Variants in NOTCH2NLR observed in about 807,000 individuals in gnomAD.
NOTCH2NLR encodes the protein notch 2 N-terminal like R, also known as notch 2 N-terminal like R (pseudogene).
Under a neutral mutation model 35.6 loss-of-function variants are expected in NOTCH2NLR, and 33 were observed. The observed-to-expected ratio is 0.93, with a 90% confidence interval of 0.70 to 1.24. NOTCH2NLR has a LOEUF of 1.24. Ranked by LOEUF, NOTCH2NLR falls within the 50% of genes most tolerant of loss-of-function variation. NOTCH2NLR has a pLI of 0.00. For synonymous variants in NOTCH2NLR, 103 were observed against 141.0 expected (o/e 0.73, Z 1.91); for missense variants, 276 against 362.2 (o/e 0.76, Z 1.93).
chr1:120,759,675 C>T lies in NOTCH2NLR; in HGVS notation c.74-3953C>T, dbSNP rs1571023381. ...TCATTTTTGCTCCTGAGTAAAGCCA[C>T]AAGTCTCAAGATTATTTTTCTTTTT... On this transcript the variant is annotated intron_variant, in intron 1 of 4. Transcript: ENST00000624419. Among the ~76,000 whole-genome samples, 3 of 101,936 alleles carry T rather than the reference C, an allele frequency of 2.9e-5. 1 individual carries two copies. Among genetic ancestry groups the T allele is most frequent in the South Asian group, 2.8e-4 (1 of 3,634 alleles). The allele number at this position is 101,936 out of a possible 152,430, so 66.9% of individuals were successfully genotyped here.
chr1:120,777,507 C>T lies in NOTCH2NLR; in HGVS notation c.156-7467C>T, dbSNP rs1275078461. Among the ~76,000 whole-genome samples, 4 of 111,264 alleles carry T rather than the reference C, an allele frequency of 3.6e-5. 2 individuals carry two copies. Among genetic ancestry groups the T allele is most frequent in the Non-Finnish European group, 6.8e-5 (4 of 58,960 alleles). The allele number at this position is 111,264 out of a possible 152,430, so 73.0% of individuals were successfully genotyped here. A position where few individuals can be genotyped will look rare whatever the true frequency, so the allele number is the denominator to read the frequency against. On this transcript the variant is annotated intron_variant, in intron 2 of 4. Coordinates refer to ENST00000624419, the Ensembl canonical transcript of NOTCH2NLR. The stretch of plus-strand genomic sequence containing the variant: ...CTTGTCTTTGTTTCTTCACATACAA[C>T]TAGTAAGGCCCTAGAAAAACTACAC...
At chr1:120,733,149 G>T (rs1195565734) in intron 1 of NOTCH2NLR, among the ~76,000 whole-genome samples, 2 of 104,808 alleles carry the variant, frequency 1.9e-5, no homozygotes, top group Non-Finnish European at 3.5e-5. Context: ...TTTATGAACA[G>T]ATCTACATAT....
chr1:120,767,929 T>C lies in NOTCH2NLR; in HGVS notation c.155+4220T>C, dbSNP rs1489460168. Among the ~76,000 whole-genome samples, 25 of 118,334 alleles carry C rather than the reference T, an allele frequency of 2.1e-4. 5 individuals are homozygous for C. The highest frequency in any genetic ancestry group is 2.0e-3 in the Admixed American group (25 of 12,516). The allele number at this position is 118,334 out of a possible 152,430, so 77.6% of individuals were successfully genotyped here. A position where few individuals can be genotyped will look rare whatever the true frequency, so the allele number is the denominator to read the frequency against. ...GCTGGTTCTTAACAACTGGGTTGTC[T>C]ATGGATGTGTTTCTATTTCTATCAA... is the stretch of plus-strand genomic sequence containing the variant. On this transcript the variant is annotated intron_variant, in intron 2 of 4. Coordinates refer to ENST00000624419, the Ensembl canonical transcript of NOTCH2NLR.
rs1375682407 is a variant in NOTCH2NLR, at chr1:120,792,541, G to A, written c.416-620G>A. 9.9e-5 allele frequency among the ~76,000 whole-genome samples: 11 copies of A among 111,556 alleles called. 3 individuals are homozygous for A. The highest frequency in any genetic ancestry group is 3.1e-4 in the African/African-American group (6 of 19,498). The allele number at this position is 111,556 out of a possible 152,430, so 73.2% of individuals were successfully genotyped here. A position where few individuals can be genotyped will look rare whatever the true frequency, so the allele number is the denominator to read the frequency against. On this transcript the variant is annotated intron_variant, in intron 3 of 4. Coordinates refer to ENST00000624419, the Ensembl canonical transcript of NOTCH2NLR. ...TTTTGAAATAGAGTCTTGCTGTGTC[G>A]CCCAGGCTGGAGTGCAGTGGTACAA...
rs1360527147 is a variant in NOTCH2NLR, at chr1:120,730,597, AC to A, written c.73+6348del. The stretch of plus-strand genomic sequence containing the variant: ...GTAGATCTGTTTTTTCTCCTGTCTC[AC>A]TTTTTGGAGGAGAATATTATCTGTG... On this transcript the variant is annotated intron_variant, in intron 1 of 4. Coordinates refer to ENST00000624419, the Ensembl canonical transcript of NOTCH2NLR. Among the ~76,000 whole-genome samples, 6 of 115,412 alleles carry A rather than the reference AC, an allele frequency of 5.2e-5. 2 individuals are homozygous for A. Among genetic ancestry groups the A allele is most frequent in the African/African-American group, 1.0e-4 (2 of 19,172 alleles). The allele number at this position is 115,412 out of a possible 152,430, so 75.7% of individuals were successfully genotyped here. A position where few individuals can be genotyped will look rare whatever the true frequency, so the allele number is the denominator to read the frequency against.
rs1169304874 is a variant in NOTCH2NLR, at chr1:120,793,643, T to G, written c.752-104T>G. 9.9e-6 allele frequency: 6 copies of G among 607,320 alleles called. 1 individual carries two copies. In the African/African-American group the frequency reaches 1.6e-4, roughly 16 times the overall value. 37.6% of individuals were successfully genotyped at this position (607,320 alleles called of 1,614,324 possible). ...GGGTGGGTTGCTAGTGAGGGAGGAG[T>G]TTTATGGGCCCACTGTGGTCCATAA... On this transcript the variant is annotated intron_variant, in intron 4 of 4. Coordinates refer to ENST00000624419, the Ensembl canonical transcript of NOTCH2NLR.
intron 2 of NOTCH2NLR, among the ~76,000 whole-genome samples, chr1:120,784,465 C>T (rs2101453077): frequency 8.5e-6 from 1 of 117,226 alleles, no homozygotes; most frequent in Admixed American, 8.1e-5. Flanking sequence ...TGTGTTATGG[C>T]CTTTGCATTT....
chr1:120,767,590 CA>C (rs1484282348), intron 2 of NOTCH2NLR, among the ~76,000 whole-genome samples: 2 of 70,484 alleles, frequency 2.8e-5, no homozygotes, highest in Non-Finnish European at 4.8e-5. Flanking sequence ...GCATAAAACT[CA>C]ATTATTGCTG....
chr1:120,756,688 G>A (rs1177547778), intron 1 of NOTCH2NLR, among the ~76,000 whole-genome samples: 1 of 117,168 alleles, frequency 8.5e-6, no homozygotes, highest in Non-Finnish European at 1.6e-5. Flanking sequence ...CTAAAACAAA[G>A]GGAGGCTTTT....
intron 1 of NOTCH2NLR, among the ~76,000 whole-genome samples, chr1:120,727,365 T>A (rs1349899929): frequency 8.7e-6 from 1 of 114,412 alleles, no homozygotes; most frequent in Non-Finnish European, 1.7e-5. Flanking sequence ...AAATGTAACC[T>A]TAGTCATTCC....
rs1482590804 is a variant in NOTCH2NLR, at chr1:120,778,441, A to G, written c.156-6533A>G. 1.1e-4 allele frequency among the ~76,000 whole-genome samples: 12 copies of G among 111,886 alleles called. 1 individual carries two copies. Among genetic ancestry groups the G allele is most frequent in the Non-Finnish European group, 1.8e-4 (11 of 59,638 alleles). 73.4% of individuals were successfully genotyped at this position (111,886 alleles called of 152,430 possible). A position where few individuals can be genotyped will look rare whatever the true frequency, so the allele number is the denominator to read the frequency against. ...AGCAGCTTCAGTGCCGACGCAACCC[A>G]CATGAGACTTTTTTTTCCCCTTCGT... On this transcript the variant is annotated intron_variant, in intron 2 of 4. Coordinates refer to ENST00000624419, the Ensembl canonical transcript of NOTCH2NLR.
chr1:120,781,756 G>A lies in NOTCH2NLR; in HGVS notation c.156-3218G>A, dbSNP rs1651363996. On this transcript the variant is annotated intron_variant, in intron 2 of 4. Transcript: ENST00000624419. Reference sequence around the variant, plus strand: ...TTTTTTATATTTTTAGTAGAGACAGGACTGTGTTAGCCAGGATGGTCTCGA... The same window carrying A: ...TTTTTTATATTTTTAGTAGAGACAGAACTGTGTTAGCCAGGATGGTCTCGA... Among the ~76,000 whole-genome samples, 6 of 114,550 alleles carry A rather than the reference G, an allele frequency of 5.2e-5. 1 individual carries two copies. The South Asian group carries it at 1.0e-3, about 20-fold the overall frequency. The allele number at this position is 114,550 out of a possible 152,430, so 75.1% of individuals were successfully genotyped here. A position where few individuals can be genotyped will look rare whatever the true frequency, so the allele number is the denominator to read the frequency against.
Position 120,778,482 on chromosome 1 carries a change from G to C in NOTCH2NLR, c.156-6492G>C, listed in dbSNP as rs1175489475. On this transcript the variant is annotated intron_variant, in intron 2 of 4. Coordinates refer to ENST00000624419, the Ensembl canonical transcript of NOTCH2NLR. ...TCCCCTTCGTTCCACATTCTGTATA[G>C]TTTTTTTAAAAATCATGATTTTGAA... is the stretch of plus-strand genomic sequence containing the variant. Among the ~76,000 whole-genome samples, 7 of 103,968 alleles carry C rather than the reference G, an allele frequency of 6.7e-5. 1 individual carries two copies. The highest frequency in any genetic ancestry group is 1.2e-4 in the Non-Finnish European group (7 of 56,798). The allele number at this position is 103,968 out of a possible 152,430, so 68.2% of individuals were successfully genotyped here.
At chr1:120,752,551 TA>T (rs1313617512) in intron 1 of NOTCH2NLR, among the ~76,000 whole-genome samples, 145 of 16,242 alleles carry the variant, frequency 8.9e-3, no homozygotes, top group Non-Finnish European at 0.011. Flanking sequence ...TATATATATA[TA>T]TATTTTTTTT....
At chr1:120,724,636 G>T (rs1650796453) in intron 1 of NOTCH2NLR, among the ~76,000 whole-genome samples, 2 of 121,920 alleles carry the variant, frequency 1.6e-5, no homozygotes, top group African/African-American at 4.2e-5. Context: ...GAGGGGCTGA[G>T]CGAAGGAATG....
In NOTCH2NLR at chr1:120,728,456, GTTTC is replaced by G. The variant is rs1412002376; in HGVS notation, c.73+4218_73+4221del. Among the ~76,000 whole-genome samples the G allele has an allele frequency of 6.2e-5, 7 of 113,390 alleles. 2 individuals carry two copies. Among genetic ancestry groups the G allele is most frequent in the Admixed American group, 1.7e-4 (2 of 11,752 alleles). 74.4% of individuals were successfully genotyped at this position (113,390 alleles called of 152,430 possible). On this transcript the variant is annotated intron_variant, in intron 1 of 4. Coordinates refer to ENST00000624419, the Ensembl canonical transcript of NOTCH2NLR. ...AATTTTGAATTTCTTTGTGTGTGGG[GTTTC>G]TTTCTTTCTTTTTCTGATCACTTCT... is the stretch of plus-strand genomic sequence containing the variant.
At position 120,791,378 on chromosome 1, in the gene NOTCH2NLR, C is replaced by A. The variant is rs1651492166; in HGVS notation, c.416-1783C>A. Among the ~76,000 whole-genome samples the A allele has an allele frequency of 1.9e-5, 2 of 107,490 alleles. 1 individual carries two copies. Among genetic ancestry groups the A allele is most frequent in the African/African-American group, 1.2e-4 (2 of 16,532 alleles). 70.5% of individuals were successfully genotyped at this position (107,490 alleles called of 152,430 possible). ...TTTATTGCGGCACTATTCACAATAG[C>A]AAAGAGTTGGAACCAGCCCAAATGT... is the stretch of plus-strand genomic sequence containing the variant. On this transcript the variant is annotated intron_variant, in intron 3 of 4. Transcript: ENST00000624419.
chr1:120,762,493 A>C (rs1453619417), intron 1 of NOTCH2NLR, among the ~76,000 whole-genome samples: 1 of 112,902 alleles, frequency 8.9e-6, no homozygotes, highest in Non-Finnish European at 1.7e-5. Context: ...CAATTTATGC[A>C]TAGAGTGGTG....
At chr1:120,740,344 CAAG>C (rs1394099956) in intron 1 of NOTCH2NLR, among the ~76,000 whole-genome samples, 1 of 72,398 alleles carries the variant, frequency 1.4e-5, no homozygotes, top group African/African-American at 6.2e-5. Context: ...GGTTGAGACA[CAAG>C]GAGAGGATTG....
Sources: gnomAD v4.1 joint callset for allele counts (sites outside exome capture counted in the v4.1 genomes callset) on GRCh38, gnomAD v4.1.1 for gene constraint, MANE v1.5 for transcripts, NCBI Gene and HGNC (gene_info 2026-07-23, HGNC 2026-07-21) for gene names.